Variants in XRCC3 observed in about 807,000 individuals in gnomAD.
XRCC3 encodes the protein X-ray repair cross complementing 3, also known as DNA repair protein XRCC3.
Under a neutral mutation model 29.2 loss-of-function variants are expected in XRCC3, and 34 were observed. The ratio of observed to expected loss-of-function variants is 1.16; its 90% CI spans 0.88 to 1.55. The LOEUF (loss-of-function observed/expected upper bound fraction) is 1.55. Ranked by LOEUF, XRCC3 falls within the 40% of genes most tolerant of loss-of-function variation. The pLI, the probability that XRCC3 is intolerant of heterozygous loss-of-function variation, is 0.00. For synonymous variants in XRCC3, 223 were observed against 211.3 expected, an observed-to-expected ratio of 1.06 and a Z score of -0.48; for missense variants, 463 against 467.6, an observed-to-expected ratio of 0.99 and a Z score of 0.09.
intron 6 of XRCC3, chr14:103,705,134 C>T (rs1041044224): frequency 3.9e-5 from 6 of 152,364 alleles, no homozygotes; most frequent in South Asian, 4.1e-4. Context: ...GCATCTGGCC[C>T]GCTTGAGGCC....
At chr14:103,700,610 C>A (rs776003091) in intron 7 of XRCC3, 4 of 1,526,510 alleles carry the variant, frequency 2.6e-6, no homozygotes, top group Non-Finnish European at 3.6e-6. Context: ...CGCCTGAGGG[C>A]CGCCTGCACG....
chr14:103,708,736 T>C, intron 4 of XRCC3, 77 bp from the exon 5 acceptor site: 1 of 1,592,444 alleles, frequency 6.3e-7, no homozygotes, highest in Non-Finnish European at 8.6e-7. Context: ...AAAGGTGCTT[T>C]GTTAAGAGCA....
At chr14:103,705,566 C>T (rs1470085884) in intron 6 of XRCC3, 1 of 152,294 alleles carries the variant, frequency 6.6e-6, no homozygotes, top group Non-Finnish European at 1.5e-5. Context: ...AAGTCATTTC[C>T]CCAGGAAAGC....
chr14:103,711,124 C>T lies in XRCC3; in HGVS notation c.-37G>A. 6.2e-7 allele frequency: 1 copy of T among 1,610,952 alleles called. No individual in the cohort carries two copies. The highest frequency in any genetic ancestry group is 1.3e-5 in the African/African-American group (1 of 74,968). On this transcript the variant is annotated 5_prime_UTR_variant, in exon 4 of 10. Transcript: ENST00000555055. ...GCTGGCCACCAGGATGAATAACTTC[C>T]CAGGAAAGACAGAACAATGGATGCA... is the stretch of plus-strand genomic sequence containing the variant.
In XRCC3 at chr14:103,715,418, C is replaced by T. The variant is rs1341778601; in HGVS notation, c.-318+6G>A. On this transcript the variant is annotated splice_donor_region_variant and intron_variant, in intron 1 of 9. Coordinates refer to ENST00000555055, the MANE Select transcript of XRCC3 (RefSeq NM_005432.4). ...CCGGCTCGCAGCCCGGCTCGGCGGG[C>T]CTCACCTCCCGCGGGTTCCGCACTC... The T allele has an allele frequency of 6.5e-6, 1 of 152,950 alleles. No homozygotes were observed. The highest frequency in any genetic ancestry group is 2.4e-5 in the African/African-American group (1 of 41,500). The allele number at this position is 152,950 out of a possible 1,614,324, so 9.5% of individuals were successfully genotyped here. A position where few individuals can be genotyped will look rare whatever the true frequency, so the allele number is the denominator to read the frequency against.
intron 2 of XRCC3, chr14:103,711,949 C>T (rs2083648029): frequency 2.8e-6 from 1 of 351,106 alleles, no homozygotes. Context: ...TCCATGTCCT[C>T]CAGTGAGGCC....
At chr14:103,708,295 G>T (rs1049132135) in intron 5 of XRCC3, 1 of 629,886 alleles carries the variant, frequency 1.6e-6, no homozygotes, top group Non-Finnish European at 2.8e-6. Context: ...AAGGTCCCCA[G>T]GAGGTCCCAC....
chr14:103,700,604 T>C, intron 7 of XRCC3: 1 of 1,502,470 alleles, frequency 6.7e-7, no homozygotes, highest in South Asian at 1.1e-5. Flanking sequence ...TGAAGACGCC[T>C]GAGGGCCGCC....
intron 7 of XRCC3, chr14:103,700,746 A>G: frequency 6.5e-7 from 1 of 1,547,156 alleles, no homozygotes; most frequent in Non-Finnish European, 8.7e-7. Context: ...CACGGCCTGC[A>G]GCCCCAGGAA....
chr14:103,703,414 AT>A, intron 6 of XRCC3, 87 bp from the exon 7 acceptor site: 3 of 1,416,018 alleles, frequency 2.1e-6, no homozygotes, highest in Non-Finnish European at 2.9e-6. Context: ...GTCTCCCGCC[AT>A]TTCTAACTCT....
At position 103,711,167 on chromosome 14, in the gene XRCC3, C is replaced by A. The variant is rs1055386143; in HGVS notation, c.-80G>T. The A allele has an allele frequency of 4.6e-6, 7 of 1,530,348 alleles. No homozygotes were observed. Among genetic ancestry groups the A allele is most frequent in the Admixed American group, 3.4e-5 (2 of 59,356 alleles). The allele number at this position is 1,530,348 out of a possible 1,614,324, so 94.8% of individuals were successfully genotyped here. On this transcript the variant is annotated 5_prime_UTR_variant, in exon 4 of 10. In the 5' UTR this introduces an upstream ATG that the reference lacks. Coordinates refer to ENST00000555055, the MANE Select transcript of XRCC3 (RefSeq NM_005432.4). ...TGGATGCAAATTCTGAGGCACTCGC[C>A]TTCAATTCAAAGCCTGTGGGAGGCC...
rs1367173444 is a variant in XRCC3, at chr14:103,699,513, G to C, written c.625C>G (p.Leu209Val). The C allele has an allele frequency of 2.5e-6, 4 of 1,613,198 alleles. No individual in the cohort carries two copies. Among genetic ancestry groups the C allele is most frequent in the Non-Finnish European group, 2.5e-6 (3 of 1,179,968 alleles). The part of the protein sequence containing the change: ...PVLLSRGMAR[L>V]VVIDSVAAPF... Reference sequence around the variant, plus strand: ...GCTGCCACCGAGTCGATGACCACCAGGCGAGCCATGCCCCGAGACAGCAGT... The same window carrying C: ...GCTGCCACCGAGTCGATGACCACCACGCGAGCCATGCCCCGAGACAGCAGT... Residue 209 changes from leucine to valine, a missense_variant, in exon 8 of 10, where the codon CTG becomes GTG. Coordinates refer to ENST00000555055, the MANE Select transcript of XRCC3 (RefSeq NM_005432.4).
chr14:103,701,211 C>T lies in XRCC3; in HGVS notation c.562-1635G>A, dbSNP rs1247447844. The stretch of plus-strand genomic sequence containing the variant: ...TATCTTCTCTTGCAGTGACCCCGAC[C>T]TGGCCCCGCTCCAGGATGGGACTGC... On this transcript the variant is annotated intron_variant, in intron 7 of 9. Coordinates refer to ENST00000555055, the MANE Select transcript of XRCC3 (RefSeq NM_005432.4). The T allele has an allele frequency of 7.1e-6, 11 of 1,550,638 alleles. No homozygotes were observed. The East Asian group carries it at 2.2e-4, about 31-fold the overall frequency.
rs1387358551 is a variant in XRCC3 at position 103,703,162 on chromosome 14, C to G, written c.561+11G>C. On this transcript the variant is annotated intron_variant, in intron 7 of 9. Coordinates refer to ENST00000555055, the MANE Select transcript of XRCC3 (RefSeq NM_005432.4). The stretch of plus-strand genomic sequence containing the variant: ...GCCTTGGGGGTGTCATGGGGCTTCT[C>G]CCACACTCACCACATCGGCCACGTG... 7.0e-6 allele frequency: 11 copies of G among 1,564,712 alleles called. No individual in the cohort carries two copies. In the East Asian group the frequency reaches 2.6e-4, roughly 37 times the overall value.
intron 7 of XRCC3, chr14:103,699,818 C>T (rs2082979909): frequency 7.1e-6 from 4 of 565,092 alleles, no homozygotes; most frequent in East Asian, 6.2e-5. Context: ...TTCCTCTGGC[C>T]CCCCCAGGCA....
chr14:103,699,426 G>A lies in XRCC3; in HGVS notation c.712C>T (p.Leu238=). 6.2e-7 allele frequency: 1 copy of A among 1,612,836 alleles called. No homozygotes were observed. ...SAPRARHLQS[L]GATLRELSSA... ...CTCAGCTCACGCAGCGTGGCCCCCAGGGACTGCAGATGCCTGGCCCTGGGG... is the reference window on the plus strand; with the variant it reads ...CTCAGCTCACGCAGCGTGGCCCCCAAGGACTGCAGATGCCTGGCCCTGGGG... Residue 238 remains leucine (L), a synonymous_variant, in exon 8 of 10, where the codon CTG becomes TTG. Coordinates refer to ENST00000555055, the MANE Select transcript of XRCC3 (RefSeq NM_005432.4).
At chr14:103,709,100 C>G in intron 4 of XRCC3, 1 of 329,052 alleles carries the variant, frequency 3.0e-6, no homozygotes, top group South Asian at 2.5e-5. Context: ...GGCTGAGCCG[C>G]GGGAGAGGAC....
rs1294025463 is a variant in XRCC3 at position 103,711,377 on chromosome 14, C to T, written c.-159+89G>A. 1.3e-5 allele frequency: 8 copies of T among 617,912 alleles called. 1 individual carries two copies. Among genetic ancestry groups the T allele is most frequent in the South Asian group, 4.5e-5 (3 of 65,996 alleles). The allele number at this position is 617,912 out of a possible 1,614,324, so 38.3% of individuals were successfully genotyped here. On this transcript the variant is annotated intron_variant, in intron 3 of 9. Transcript: ENST00000555055. ...TCCAGACACTGATGCATTTGAAAAA[C>T]CCCCCAAACCCACCACATTTACCTC...
chr14:103,702,356 G>GT (rs2151928465), intron 7 of XRCC3: 1 of 152,502 alleles, frequency 6.6e-6, no homozygotes, highest in Non-Finnish European at 1.5e-5. Context: ...TGTGCCCCTA[G>GT]TGAGGGCCGT....
Sources: gnomAD v4.1 joint callset for allele counts on GRCh38, gnomAD v4.1.1 for gene constraint, MANE v1.5 for transcripts, NCBI Gene and HGNC (gene_info 2026-07-23, HGNC 2026-07-21) for gene names.